ZNF536: variants seen among roughly 807,000 people sequenced by gnomAD.
ZNF536 encodes the protein zinc finger protein 536.
A neutral mutation model predicts 84.5 loss-of-function variants in ZNF536; 13 were observed. The ratio of observed to expected loss-of-function variants is 0.15; its 90% CI spans 0.10 to 0.24. The LOEUF (loss-of-function observed/expected upper bound fraction) is 0.24. Among genes scored for constraint, ZNF536 ranks in the 10% least tolerant of loss-of-function variants. The pLI is 1.00. For missense variants in ZNF536, 1,536 were observed against 1,747.5 expected, an observed-to-expected ratio of 0.88 and a Z score of 2.16; for synonymous variants, 811 against 742.5, an observed-to-expected ratio of 1.09 and a Z score of -1.50.
chr19:30,660,123 T>G (rs1230514271), intron 1 of ZNF536, among the ~76,000 whole-genome samples: 1 of 152,222 alleles, frequency 6.6e-6, no homozygotes, highest in African/African-American at 2.4e-5. Context: ...TGCCTATTCG[T>G]GGAGAAACAA....
intron 1 of ZNF536, among the ~76,000 whole-genome samples, chr19:30,383,694 TTTCTTTC>T (rs1417735618): frequency 0.3 from 3,761 of 12,386 alleles, 298 homozygotes; most frequent in African/African-American, 0.37. Context: ...CTTCCTTTCT[TTTCTTTC>T]TCTTTCTTTC....
rs141422130 is a variant in ZNF536 at position 30,664,333 on chromosome 19, T to G, written c.170-46424T>G. 5.7e-4 allele frequency among the ~76,000 whole-genome samples: 87 copies of G among 151,890 alleles called. 1 individual carries two copies. Among genetic ancestry groups the G allele is most frequent in the African/African-American group, 2.0e-3 (81 of 41,418 alleles). On this transcript the variant is annotated intron_variant, in intron 1 of 1. Transcript: ENST00000592773. The stretch of plus-strand genomic sequence containing the variant: ...CCTGTCCTAGTTACTCCTTGGTGAC[T>G]GTAGTTGTGTAAACTGTAATAACCC...
chr19:30,453,826 A>G (rs929110082), intron 2 of ZNF536, among the ~76,000 whole-genome samples: 2 of 152,232 alleles, frequency 1.3e-5, no homozygotes, highest in East Asian at 1.9e-4. Context: ...ACCACCCCCA[A>G]GAGAAAGTTG....
intron 2 of ZNF536, among the ~76,000 whole-genome samples, chr19:30,464,870 C>T (rs2053314439): frequency 1.3e-5 from 2 of 151,954 alleles, no homozygotes. Context: ...TCTGTGGAGG[C>T]CTAGAGGGCC....
At chr19:30,494,608 G>A (rs971923770) in intron 2 of ZNF536, among the ~76,000 whole-genome samples, 7 of 152,062 alleles carry the variant, frequency 4.6e-5, no homozygotes, top group African/African-American at 1.4e-4. Context: ...CTAACCTATG[G>A]CTCAAGAACA....
chr19:30,355,490 C>A (rs781434631), intron 3 of ZNF536, among the ~76,000 whole-genome samples: 1 of 152,094 alleles, frequency 6.6e-6, no homozygotes, highest in Admixed American at 6.6e-5. Flanking sequence ...TGGGCTCATG[C>A]GATCCCCGTG....
At chr19:30,252,978 T>G in intron 1 of ZNF536, among the ~76,000 whole-genome samples, 1 of 152,238 alleles carries the variant, frequency 6.6e-6, no homozygotes, top group East Asian at 1.9e-4. Context: ...TTCGAAATGC[T>G]GATGATGATG....
At chr19:30,566,166 C>T (rs552292963) in intron 1 of ZNF536, among the ~76,000 whole-genome samples, 22 of 152,194 alleles carry the variant, frequency 1.4e-4, no homozygotes, top group Non-Finnish European at 3.1e-4. Flanking sequence ...GCTCCTAACC[C>T]TGCCCCACAC....
intron 1 of ZNF536, among the ~76,000 whole-genome samples, chr19:30,627,679 A>C (rs1244601784): frequency 6.6e-6 from 1 of 152,056 alleles, no homozygotes; most frequent in Non-Finnish European, 1.5e-5. Flanking sequence ...GGGGTTCCGC[A>C]GATTCTCTGA....
chr19:30,713,351 C>G (rs766023453), exon 2 of ZNF536: 1 of 151,602 alleles, frequency 6.6e-6, no homozygotes, highest in African/African-American at 2.4e-5. Flanking sequence ...TACATTCCTA[C>G]GCAAAGAAAA....
chr19:30,652,522 C>G (rs114589562), intron 1 of ZNF536, among the ~76,000 whole-genome samples: 2 of 152,072 alleles, frequency 1.3e-5, no homozygotes, highest in Non-Finnish European at 1.5e-5. Context: ...GGGAGAGTCA[C>G]GCAAGTAAAG....
intron 2 of ZNF536, among the ~76,000 whole-genome samples, chr19:30,308,142 C>T (rs1451498017): frequency 6.6e-6 from 1 of 152,132 alleles, no homozygotes; most frequent in Admixed American, 6.5e-5. Flanking sequence ...CAGCCCTCAC[C>T]TGTGGAGGTG....
downstream of ZNF536, among the ~76,000 whole-genome samples, chr19:30,561,710 G>T (rs995037753): frequency 2.0e-5 from 3 of 152,198 alleles, no homozygotes; most frequent in Non-Finnish European, 4.4e-5. Context: ...GATTGAAGGA[G>T]CCGGGGTATT....
chr19:30,663,147 T>C (rs1052440121), intron 1 of ZNF536, among the ~76,000 whole-genome samples: 1 of 152,092 alleles, frequency 6.6e-6, no homozygotes, highest in Non-Finnish European at 1.5e-5. Context: ...GCAATCAGTT[T>C]AAGAAAACAG....
intron 1 of ZNF536, among the ~76,000 whole-genome samples, chr19:30,620,205 G>A (rs2048434495): frequency 1.3e-5 from 2 of 152,098 alleles, no homozygotes; most frequent in African/African-American, 2.4e-5. Flanking sequence ...GGCCTCAAGG[G>A]GCAGCCTCTG....
chr19:30,682,333 G>A (rs1166980512), intron 1 of ZNF536, among the ~76,000 whole-genome samples: 3 of 152,158 alleles, frequency 2.0e-5, no homozygotes, highest in Admixed American at 2.0e-4. Context: ...GAATCTATAA[G>A]AGACATGATG....
At chr19:30,546,239 G>C (rs920137849) in intron 3 of ZNF536, among the ~76,000 whole-genome samples, 1 of 152,194 alleles carries the variant, frequency 6.6e-6, no homozygotes, top group Non-Finnish European at 1.5e-5. Flanking sequence ...CCAAGAAGGG[G>C]GAAATTACTG....
intron 1 of ZNF536, among the ~76,000 whole-genome samples, chr19:30,671,048 GTTCACTCAA>G: frequency 6.6e-6 from 1 of 151,648 alleles, no homozygotes; most frequent in East Asian, 1.9e-4. Context: ...TCATTTTCCC[GTTCACTCAA>G]TGCACGCACG....
At chr19:30,388,347 G>A (rs2049432421) in intron 1 of ZNF536, among the ~76,000 whole-genome samples, 1 of 152,192 alleles carries the variant, frequency 6.6e-6, no homozygotes, top group Admixed American at 6.5e-5. Flanking sequence ...TACAATTATG[G>A]ATACTCGGTG....
Sources: allele counts gnomAD v4.1 joint callset (sites outside exome capture counted in the v4.1 genomes callset), GRCh38; gene constraint gnomAD v4.1.1; transcripts MANE v1.5; gene names NCBI Gene and HGNC (gene_info 2026-07-23, HGNC 2026-07-21).